The following DCC variants were observed in gnomAD, a reference collection of about 807,000 sequenced individuals.
DCC encodes netrin receptor DCC.
Under a neutral mutation model 172.5 loss-of-function variants are expected in DCC, and 58 were observed. That is an observed-to-expected ratio of 0.34 (90% confidence interval 0.27 to 0.42). The LOEUF (loss-of-function observed/expected upper bound fraction) is 0.42. Ranked by LOEUF, DCC falls within the 10% of genes least tolerant of loss-of-function variation. The pLI, the probability that DCC is intolerant of heterozygous loss-of-function variation, is 1.00. For synonymous variants in DCC, 709 were observed against 644.5 expected (o/e 1.10, Z -1.52); for missense variants, 1,740 against 1,791.0 (o/e 0.97, Z 0.51).
chr18:52,847,719 G>C (rs988066463), intron 2 of DCC, among the ~76,000 whole-genome samples: 1 of 152,038 alleles, frequency 6.6e-6, no homozygotes, highest in South Asian at 2.1e-4. Flanking sequence ...TAGTTTCCTG[G>C]TTAGACCATT....
intron 1 of DCC, among the ~76,000 whole-genome samples, chr18:52,417,518 A>G (rs967702006): frequency 4.6e-5 from 7 of 152,126 alleles, no homozygotes; most frequent in Non-Finnish European, 7.4e-5. Context: ...CCAATCAGAC[A>G]TAGATTTGGT....
chr18:52,416,632 CTTCT>C (rs2144418130), intron 1 of DCC, among the ~76,000 whole-genome samples: 1 of 151,690 alleles, frequency 6.6e-6, no homozygotes, highest in South Asian at 2.1e-4. Flanking sequence ...ATGTAATGGC[CTTCT>C]TTGTCTCTTT....
intron 1 of DCC, among the ~76,000 whole-genome samples, chr18:52,662,351 C>T (rs1019030149): frequency 3.3e-5 from 5 of 152,218 alleles, no homozygotes; most frequent in Admixed American, 2.6e-4. Flanking sequence ...ATAATAGAAA[C>T]AATCCAATAA....
intron 2 of DCC, among the ~76,000 whole-genome samples, chr18:52,784,007 A>G (rs1335157361): frequency 1.3e-5 from 2 of 152,010 alleles, no homozygotes; most frequent in African/African-American, 4.8e-5. Flanking sequence ...ACAATAAATT[A>G]CATGTTTACT....
intron 1 of DCC, among the ~76,000 whole-genome samples, chr18:52,370,082 C>T (rs1303207442): frequency 6.6e-6 from 1 of 151,906 alleles, no homozygotes; most frequent in African/African-American, 2.4e-5. Flanking sequence ...TCTCTGCAAC[C>T]TCACCAGCAT....
intron 1 of DCC, among the ~76,000 whole-genome samples, chr18:52,400,112 G>T (rs1986380784): frequency 6.6e-6 from 1 of 151,920 alleles, no homozygotes; most frequent in African/African-American, 2.4e-5. Flanking sequence ...GCAATTCATA[G>T]CTCAACCCAA....
In DCC at chr18:53,305,625, A is replaced by G; in HGVS notation, c.1959A>G (p.Gly653=). The change falls in exon 13 of 29, where the codon GGA becomes GGG. Residue 653 remains glycine, a synonymous_variant. Transcript: ENST00000442544. Reference sequence around the variant, plus strand: ...CTCCTCCATCAGGAACACAAAATGGATTTATTACCGGCTATAAAATTCGAC... The same window carrying G: ...CTCCTCCATCAGGAACACAAAATGGGTTTATTACCGGCTATAAAATTCGAC... ...WLPPPSGTQN[G]FITGYKIRHR... is the part of the protein sequence containing the mutation. 2.5e-6 allele frequency: 4 copies of G among 1,613,732 alleles called. No homozygotes were observed. The highest frequency in any genetic ancestry group is 3.4e-6 in the Non-Finnish European group (4 of 1,179,626).
At chr18:52,865,134 G>A (rs1162507644) in intron 2 of DCC, among the ~76,000 whole-genome samples, 2 of 152,022 alleles carry the variant, frequency 1.3e-5, no homozygotes, top group African/African-American at 4.8e-5. Context: ...CAAAGTGCTG[G>A]GATTACAGGT....
intron 26 of DCC, among the ~76,000 whole-genome samples, chr18:53,492,255 G>A (rs2045967397): frequency 6.6e-6 from 1 of 152,140 alleles, no homozygotes; most frequent in Non-Finnish European, 1.5e-5. Flanking sequence ...CTCCCATTCT[G>A]TAGGTTGCCT....
At chr18:53,486,671 G>T (rs2045903658) in intron 25 of DCC, 126 bp from the exon 26 acceptor site, 3 of 1,275,618 alleles carry the variant, frequency 2.4e-6, no homozygotes, top group African/African-American at 2.9e-5. Context: ...GGTAAGTAAG[G>T]GAACCTAGTT....
At chr18:52,808,643 C>T (rs1598824180) in intron 2 of DCC, among the ~76,000 whole-genome samples, 1 of 152,040 alleles carries the variant, frequency 6.6e-6, no homozygotes, top group African/African-American at 2.4e-5. Flanking sequence ...TACATAAATC[C>T]AAGGGAGTGT....
chr18:52,927,151 A>ATACGTG (rs2040227604), intron 5 of DCC, among the ~76,000 whole-genome samples: 1 of 60,268 alleles, frequency 1.7e-5, no homozygotes, highest in African/African-American at 5.4e-5. Flanking sequence ...ATATATGTGT[A>ATACGTG]TATATACGTA....
chr18:53,312,878 G>C (rs987470195), intron 13 of DCC, among the ~76,000 whole-genome samples: 3 of 127,272 alleles, frequency 2.4e-5, no homozygotes, highest in Non-Finnish European at 3.3e-5. Flanking sequence ...GAAAGAGAGA[G>C]AGGAAGGGAA....
At chr18:52,939,393 C>T (rs192778673) in intron 5 of DCC, among the ~76,000 whole-genome samples, 22 of 152,226 alleles carry the variant, frequency 1.4e-4, no homozygotes, top group Non-Finnish European at 2.9e-4. Flanking sequence ...TTATCACAGT[C>T]TGTTATTATC....
At chr18:53,255,783 G>C (rs779674050) in intron 12 of DCC, among the ~76,000 whole-genome samples, 3 of 152,078 alleles carry the variant, frequency 2.0e-5, no homozygotes, top group African/African-American at 7.2e-5. Context: ...CTGAGGAATC[G>C]CCACACCAAC....
At chr18:53,312,927 G>A (rs1039478801) in intron 13 of DCC, among the ~76,000 whole-genome samples, 17 of 79,026 alleles carry the variant, frequency 2.2e-4, no homozygotes, top group Non-Finnish European at 4.9e-4. Context: ...GAGGGGAGGG[G>A]AGGGAAGGGA....
At chr18:52,818,890 T>A (rs1360475053) in intron 2 of DCC, among the ~76,000 whole-genome samples, 1 of 152,232 alleles carries the variant, frequency 6.6e-6, no homozygotes, top group Admixed American at 6.5e-5. Context: ...AGTTAGAGAC[T>A]TGAATCATTC....
At chr18:53,351,557 TTCA>T (rs1186427841) in intron 15 of DCC, among the ~76,000 whole-genome samples, 2 of 144,932 alleles carry the variant, frequency 1.4e-5, no homozygotes, top group African/African-American at 2.5e-5. Context: ...TAGAGGTGTC[TTCA>T]TCATTTTCCT....
At position 53,416,161 on chromosome 18, in the gene DCC, G is replaced by A. The variant is rs759196372; in HGVS notation, c.3163+5G>A. The A allele has an allele frequency of 1.2e-6, 2 of 1,602,836 alleles. No individual in the cohort carries two copies. The highest frequency in any genetic ancestry group is 1.7e-6 in the Non-Finnish European group (2 of 1,170,016). ...ACAAAATGGCTAATGACCAAGGTAT[G>A]GTGGCTCAATCTGTCATTTTGTGTT... On this transcript the variant is annotated splice_donor_5th_base_variant and intron_variant, in intron 21 of 28. Transcript: ENST00000442544.
Sources: gnomAD v4.1 joint callset for allele counts (sites outside exome capture counted in the v4.1 genomes callset) on GRCh38, gnomAD v4.1.1 for gene constraint, MANE v1.5 for transcripts, NCBI Gene and HGNC (gene_info 2026-07-23, HGNC 2026-07-21) for gene names.